CRYBG3: variants seen among roughly 807,000 people sequenced by gnomAD.
CRYBG3 encodes crystallin beta-gamma domain containing 3.
A neutral mutation model predicts 244.2 loss-of-function variants in CRYBG3; 127 were observed. The observed-to-expected ratio is 0.52, with a 90% CI of 0.45 to 0.60. The LOEUF is 0.60. Ranked by LOEUF, CRYBG3 falls within the 20% of genes least tolerant of loss-of-function variation. The pLI, the probability that CRYBG3 is intolerant of heterozygous loss-of-function variation, is 0.00. For synonymous variants in CRYBG3, 1,132 were observed against 1,195.8 expected, an observed-to-expected ratio of 0.95 and a Z score of 1.10; for missense variants, 3,325 against 3,442.5, an observed-to-expected ratio of 0.97 and a Z score of 0.85.
intron 17 of CRYBG3, among the ~76,000 whole-genome samples, chr3:97,931,686 A>T (rs777753500): frequency 4.6e-5 from 7 of 152,070 alleles, no homozygotes; most frequent in Non-Finnish European, 8.8e-5. Context: ...ATAACCGATT[A>T]TACCAGCATG....
chr3:97,936,579 A>G (rs2040165996), intron 18 of CRYBG3, among the ~76,000 whole-genome samples: 1 of 152,114 alleles, frequency 6.6e-6, no homozygotes, highest in Non-Finnish European at 1.5e-5. Context: ...GGAAACCAGC[A>G]TTGTAACTGG....
chr3:97,909,734 T>G (rs1286872222), intron 15 of CRYBG3, among the ~76,000 whole-genome samples: 1 of 151,710 alleles, frequency 6.6e-6, no homozygotes, highest in African/African-American at 2.4e-5. Flanking sequence ...GTCTGAAGCC[T>G]TCTTCTCTCA....
Position 97,843,192 on chromosome 3 carries a change from C to T in CRYBG3, c.150-3C>T. 1 of 1,495,486 alleles carries T rather than the reference C, an allele frequency of 6.7e-7. No individual in the cohort carries two copies. Among genetic ancestry groups the T allele is most frequent in the Non-Finnish European group, 8.9e-7 (1 of 1,126,082 alleles). 92.6% of individuals were successfully genotyped at this position (1,495,486 alleles called of 1,614,324 possible). A position where few individuals can be genotyped will look rare whatever the true frequency, so the allele number is the denominator to read the frequency against. ...AAAAGAAACTGTGGTTTTTATTTTT[C>T]AGTGTTGAAAATGAGCCCATGAGCA... is the stretch of plus-strand genomic sequence containing the variant. On this transcript the variant is annotated splice_polypyrimidine_tract_variant and splice_region_variant and intron_variant, in intron 1 of 21. Coordinates refer to ENST00000389622, the MANE Select transcript of CRYBG3 (RefSeq NM_153605.4).
intron 17 of CRYBG3, among the ~76,000 whole-genome samples, chr3:97,921,850 G>A (rs2108257611): frequency 6.6e-6 from 1 of 152,232 alleles, no homozygotes; most frequent in East Asian, 1.9e-4. Context: ...CATTTCCATG[G>A]GAGCAGTAGT....
chr3:97,860,085 A>G (rs184196829), intron 2 of CRYBG3, among the ~76,000 whole-genome samples: 1 of 152,254 alleles, frequency 6.6e-6, no homozygotes, highest in East Asian at 1.9e-4. Context: ...CCATCTACTT[A>G]TGACTATTCC....
chr3:97,874,405 A>G lies in CRYBG3; in HGVS notation c.3211A>G (p.Ser1071Gly). The G allele has an allele frequency of 6.5e-7, 1 of 1,534,618 alleles. No individual in the cohort carries two copies. The highest frequency in any genetic ancestry group is 1.7e-4 in the Middle Eastern group (1 of 5,982). The part of the protein sequence containing the change: ...SSSSSYPEEV[S>G]MIVNSHKPQN... ...TTCCTCTAGTTACCCTGAAGAAGTT[A>G]GCATGATAGTAAATTCACATAAGCC... The change falls in exon 4 of 22, where the codon AGC (serine) becomes GGC (glycine). Residue 1071 changes from serine to glycine, a missense_variant. Physicochemically the swap from Ser to Gly is moderately conservative, Grantham distance 56. Coordinates refer to ENST00000389622, the MANE Select transcript of CRYBG3 (RefSeq NM_153605.4).
At position 97,875,860 on chromosome 3, in the gene CRYBG3, T is replaced by C. The variant is rs1324698736; in HGVS notation, c.4666T>C (p.Leu1556=). 1.6e-6 allele frequency: 2 copies of C among 1,231,824 alleles called. No individual in the cohort carries two copies. The highest frequency in any genetic ancestry group is 4.2e-5 in the Admixed American group (1 of 23,686). The allele number at this position is 1,231,824 out of a possible 1,614,324, so 76.3% of individuals were successfully genotyped here. ...TGKTNKKDAE[L]NILKYEAVPP... ...GAAAACAAACAAAAAGGATGCTGAA[T>C]TGAATATTCTGAAATATGAGGCAGT... The change falls in exon 4 of 22, where the codon TTG becomes CTG. Residue 1556 remains leucine, a synonymous_variant. Transcript: ENST00000389622.
chr3:97,897,579 G>T (rs1346981259), intron 12 of CRYBG3, among the ~76,000 whole-genome samples: 3 of 151,940 alleles, frequency 2.0e-5, no homozygotes, highest in African/African-American at 7.3e-5. Context: ...ATCTCATAGG[G>T]CTTACCCTGG....
At position 97,874,256 on chromosome 3, in the gene CRYBG3, C is replaced by T. The variant is rs781181507; in HGVS notation, c.3062C>T (p.Ser1021Phe). The change falls in exon 4 of 22, where the codon TCT (serine) becomes TTT (phenylalanine). Residue 1021 changes from serine (S) to phenylalanine (F), a missense_variant. Transcript: ENST00000389622. ...GATTCCAGTTTGGAAAAAAATTCTTCTGCATCTGAGGACTCAAGCTTCCTT... is the reference window on the plus strand; with the variant it reads ...GATTCCAGTTTGGAAAAAAATTCTTTTGCATCTGAGGACTCAAGCTTCCTT... The part of the protein sequence containing the change: ...DSDSSLEKNS[S>F]ASEDSSFLKV... The T allele has an allele frequency of 2.0e-6, 3 of 1,535,272 alleles. No individual in the cohort carries two copies. In the South Asian group the frequency reaches 3.6e-5, roughly 18 times the overall value.
intron 19 of CRYBG3, among the ~76,000 whole-genome samples, chr3:97,938,503 C>T (rs1188056437): frequency 6.6e-6 from 1 of 151,886 alleles, no homozygotes; most frequent in South Asian, 2.1e-4. Context: ...AAAATATTAA[C>T]CTAATTGGTC....
intron 21 of CRYBG3, 78 bp from the exon 22 acceptor site, chr3:97,943,147 AC>A (rs2040269189): frequency 1.8e-5 from 14 of 781,098 alleles, no homozygotes; most frequent in Non-Finnish European, 2.8e-5. Context: ...GGTGAGCTGA[AC>A]AGAAGCTTGT....
At position 97,859,451 on chromosome 3, in the gene CRYBG3, A is replaced by G. The variant is rs566703146; in HGVS notation, c.217-4766A>G. Among the ~76,000 whole-genome samples the G allele has an allele frequency of 5.9e-5, 9 of 152,332 alleles. 1 individual carries two copies. Among genetic ancestry groups the G allele is most frequent in the African/African-American group, 2.2e-4 (9 of 41,586 alleles). ...ATACTGCTAATTAGACCTGCAAAAAAGTTCAGACATCACTAGAATGTAGGT... is the reference window on the plus strand; with the variant it reads ...ATACTGCTAATTAGACCTGCAAAAAGGTTCAGACATCACTAGAATGTAGGT... On this transcript the variant is annotated intron_variant, in intron 2 of 21. Transcript: ENST00000389622.
chr3:97,937,254 A>G (rs2040174906), intron 19 of CRYBG3, among the ~76,000 whole-genome samples: 2 of 152,100 alleles, frequency 1.3e-5, no homozygotes, highest in Admixed American at 1.3e-4. Context: ...CCCTACTTAT[A>G]TAATACTCAG....
At chr3:97,919,031 C>T (rs1274691881) in intron 17 of CRYBG3, among the ~76,000 whole-genome samples, 5 of 152,154 alleles carry the variant, frequency 3.3e-5, no homozygotes, top group Non-Finnish European at 7.3e-5. Context: ...AACAATAATA[C>T]AATCTATCAG....
intron 14 of CRYBG3, among the ~76,000 whole-genome samples, chr3:97,899,543 G>A (rs2108239521): frequency 6.6e-6 from 1 of 152,268 alleles, no homozygotes; most frequent in East Asian, 1.9e-4. Flanking sequence ...GATAAGAATT[G>A]AATAAGACTG....
chr3:97,896,238 G>T (rs912910579), intron 12 of CRYBG3, among the ~76,000 whole-genome samples, 153 bp downstream of exon 12: 2 of 152,014 alleles, frequency 1.3e-5, no homozygotes, highest in Admixed American at 6.6e-5. Context: ...CTGTTTTTCT[G>T]AACTGCCATG....
chr3:97,865,217 T>C (rs528599922), intron 3 of CRYBG3, among the ~76,000 whole-genome samples: 1 of 152,320 alleles, frequency 6.6e-6, no homozygotes, highest in South Asian at 2.1e-4. Context: ...GAAGGAATAT[T>C]TTGTAATTAA....
intron 14 of CRYBG3, 68 bp downstream of exon 14, chr3:97,899,331 A>G: frequency 6.6e-7 from 1 of 1,510,410 alleles, no homozygotes; most frequent in South Asian, 1.3e-5. Flanking sequence ...TGTGGAAAAC[A>G]CTTTTTAAAA....
In CRYBG3 at chr3:97,881,151, T is replaced by A. The variant is rs1341560917; in HGVS notation, c.7084T>A (p.Trp2362Arg). Reference protein sequence around the residue: ...EEGEKVLNRDWILQNRRHPQR... With the variant: ...EEGEKVLNRDRILQNRRHPQR... ...AGGGGAAAAGGTGTTAAATCGTGAC[T>A]GGATTCTTCAGAACAGAAGGCATCC... Residue 2362 changes from tryptophan to arginine, a missense_variant, in exon 7 of 22, where the codon TGG becomes AGG. Physicochemically the swap from Trp to Arg is moderately radical, Grantham distance 101. Around this residue, in one of 4 missense-constraint regions of CRYBG3, gnomAD observed 714 missense variants for 803.6 expected, o/e 0.89. Transcript: ENST00000389622. 1 of 1,612,642 alleles carries A rather than the reference T, an allele frequency of 6.2e-7. No individual in the cohort carries two copies. Among genetic ancestry groups the A allele is most frequent in the South Asian group, 1.1e-5 (1 of 90,826 alleles).
Sources: gnomAD v4.1 joint callset for allele counts (sites outside exome capture counted in the v4.1 genomes callset) on GRCh38, gnomAD v4.1.1 for gene constraint, gnomAD v4.1.1 regional missense constraint, MANE v1.5 for transcripts, NCBI Gene and HGNC (gene_info 2026-07-23, HGNC 2026-07-21) for gene names.